Variants in SLFN11 observed in about 807,000 individuals in gnomAD.
The protein encoded by SLFN11 is schlafen family member 11.
In SLFN11, 43 loss-of-function variants were observed where a neutral mutation model predicts 53.4. The observed-to-expected ratio is 0.80, with a 90% CI of 0.63 to 1.04. The LOEUF (loss-of-function observed/expected upper bound fraction) is 1.04. Among genes scored for constraint, SLFN11 ranks in the 50% least tolerant of loss-of-function variants. The pLI, the probability that SLFN11 is intolerant of heterozygous loss-of-function variation, is 0.00. For missense variants in SLFN11, 990 were observed against 1,079.1 expected (o/e 0.92, Z 1.16); for synonymous variants, 389 against 394.7 (o/e 0.99, Z 0.17).
rs1907084361 is a variant in SLFN11 at position 35,353,746 on chromosome 17, G to A, written c.1512C>T (p.Tyr504=). Residue 504 remains tyrosine (Y), a synonymous_variant, in exon 6 of 7, where the codon TAC becomes TAT. Transcript: ENST00000685675. ...TGGCCCTGACACACACCTTCCCGGT[G>A]TAGCCCCCCATGTTCACTAGCTTCT... ...LKQKLVNMGG[Y]TGKVCVRAKV... The A allele has an allele frequency of 6.6e-7, 1 of 1,514,846 alleles. No individual in the cohort carries two copies. The highest frequency in any genetic ancestry group is 2.0e-5 in the Admixed American group (1 of 49,028). 93.8% of individuals were successfully genotyped at this position (1,514,846 alleles called of 1,614,324 possible).
At position 35,359,797 on chromosome 17, in the gene SLFN11, G is replaced by A. The variant is rs2141954122; in HGVS notation, c.1198+446C>T. Among the ~76,000 whole-genome samples the A allele has an allele frequency of 1.3e-5, 2 of 152,222 alleles. 1 individual carries two copies. The highest frequency in any genetic ancestry group is 4.1e-4 in the South Asian group (2 of 4,824). On this transcript the variant is annotated intron_variant, in intron 5 of 6. Transcript: ENST00000685675. ...CAGGCAGTTTTTTGGCTGCTCTCTG[G>A]TGCAGCATATGACTAGTTTGACTAG...
chr17:35,371,470 T>C (rs536639078), intron 1 of SLFN11, among the ~76,000 whole-genome samples: 1 of 151,884 alleles, frequency 6.6e-6, no homozygotes, highest in East Asian at 1.9e-4. Context: ...AATGGACAAA[T>C]GGGATCACAT....
Position 35,352,406 on chromosome 17 carries a change from C to T in SLFN11, c.2656G>A (p.Ala886Thr), listed in dbSNP as rs1906798389. Residue 886 changes from alanine (A) to threonine (T), a missense_variant, in exon 7 of 7, where the codon GCT (alanine) becomes ACT (threonine). Ala to Thr is a moderately conservative substitution (Grantham distance 58, BLOSUM62 0). Transcript: ENST00000685675. ...TACAGGTGTTGTTTTGCCCTGGAAG[C>T]CAGACAGATCAGAACATTGGGTAAG... Reference protein sequence around the residue: ...AILPNVLICLASRAKQHLYIF... With the variant: ...AILPNVLICLTSRAKQHLYIF... 1 of 1,614,080 alleles carries T rather than the reference C, an allele frequency of 6.2e-7. No individual in the cohort carries two copies. Among genetic ancestry groups the T allele is most frequent in the East Asian group, 2.2e-5 (1 of 44,896 alleles).
At position 35,362,826 on chromosome 17, in the gene SLFN11, C is replaced by A. The variant is rs1908403493; in HGVS notation, c.982G>T (p.Ala328Ser). 2.5e-6 allele frequency: 4 copies of A among 1,613,160 alleles called. No homozygotes were observed. The highest frequency in any genetic ancestry group is 1.7e-5 in the Admixed American group (1 of 59,846). ...NPFCCAVFSE[A>S]PNSWIVEDKY... ...TCCTCCACTATCCATGAATTGGGAG[C>A]TTCTGAGAACACTGCACAGCAGAAG... The change falls in exon 4 of 7, where the codon GCT (alanine) becomes TCT (serine). Residue 328 changes from alanine (A) to serine (S), a missense_variant. By Grantham distance (99) the Ala-to-Ser change is moderately conservative. This residue lies in a region of SLFN11 where 521 missense variants were observed against 516.2 expected (regional missense o/e 1.01). Transcript: ENST00000685675.
At chr17:35,367,457 C>T (rs183254901) in intron 2 of SLFN11, 146 bp downstream of exon 2, 3 of 152,050 alleles carry the variant, frequency 2.0e-5, no homozygotes, top group Non-Finnish European at 4.4e-5. Flanking sequence ...GAGATATTGT[C>T]CCATATAAAT....
At chr17:35,367,566 C>T (rs894492251) in intron 2 of SLFN11, 37 bp downstream of exon 2, 2 of 152,082 alleles carry the variant, frequency 1.3e-5, no homozygotes, top group African/African-American at 2.4e-5. Flanking sequence ...ACAAAAGCAC[C>T]TGATTCTAGT....
intron 3 of SLFN11, among the ~76,000 whole-genome samples, chr17:35,364,597 T>TA (rs1320471006): frequency 1.3e-5 from 2 of 152,154 alleles, no homozygotes; most frequent in African/African-American, 4.8e-5. Flanking sequence ...GCTAAGGTCT[T>TA]ACAGACCAGA....
intron 5 of SLFN11, among the ~76,000 whole-genome samples, chr17:35,358,425 A>G (rs1327504004): frequency 1.3e-5 from 2 of 151,364 alleles, no homozygotes; most frequent in Non-Finnish European, 2.9e-5. Flanking sequence ...ATCTAACTGT[A>G]TTGGCCAATT....
At chr17:35,361,476 G>A (rs1908210638) in intron 4 of SLFN11, among the ~76,000 whole-genome samples, 1 of 151,874 alleles carries the variant, frequency 6.6e-6, no homozygotes, top group African/African-American at 2.4e-5. Context: ...CTGTTCTTTT[G>A]TTTTTGAGAC....
rs575896600 is a variant in SLFN11, at chr17:35,373,565, C to A, written c.-326G>T. The A allele has an allele frequency of 1.3e-5, 2 of 151,996 alleles. No homozygotes were observed. Among genetic ancestry groups the A allele is most frequent in the African/African-American group, 4.8e-5 (2 of 41,362 alleles). 9.4% of individuals were successfully genotyped at this position (151,996 alleles called of 1,614,324 possible). ...CAACTCCGGAGTCCCAGGCTGGGGG[C>A]AAGGACCCTCTCTGACCTCTCAAGC... On this transcript the variant is annotated 5_prime_UTR_variant, in exon 1 of 7. Transcript: ENST00000685675.
chr17:35,370,143 G>A (rs1422790693), intron 1 of SLFN11, among the ~76,000 whole-genome samples: 1 of 152,060 alleles, frequency 6.6e-6, no homozygotes, highest in Non-Finnish European at 1.5e-5. Flanking sequence ...ATGACTAAGT[G>A]CTATTTATTT....
intron 4 of SLFN11, 106 bp from the exon 5 acceptor site, chr17:35,360,477 A>C (rs1041134061): frequency 9.4e-7 from 1 of 1,069,426 alleles, no homozygotes; most frequent in African/African-American, 1.7e-5. Flanking sequence ...TTGACTTGAG[A>C]GATAATATCA....
chr17:35,353,366 C>A lies in SLFN11; in HGVS notation c.1892G>T (p.Cys631Phe). 6.2e-7 allele frequency: 1 copy of A among 1,611,002 alleles called. No individual in the cohort carries two copies. The highest frequency in any genetic ancestry group is 1.7e-5 in the Admixed American group (1 of 59,410). ...HCEAHRILYV[C>F]ENQPLRNFIS... ...AAAGTTCCTCAGAGGCTGGTTTTCACAAACGTAGAGAATTCTGTGTGCCTC... is the reference window on the plus strand; with the variant it reads ...AAAGTTCCTCAGAGGCTGGTTTTCAAAAACGTAGAGAATTCTGTGTGCCTC... Residue 631 changes from cysteine to phenylalanine, a missense_variant, in exon 6 of 7, where the codon TGT becomes TTT. By Grantham distance (205) the Cys-to-Phe change is radical (BLOSUM62 -2). Coordinates refer to ENST00000685675, the MANE Select transcript of SLFN11 (RefSeq NM_001376007.1).
chr17:35,360,240 T>C lies in SLFN11; in HGVS notation c.1198+3A>G. 6.2e-7 allele frequency: 1 copy of C among 1,609,950 alleles called. No homozygotes were observed. Among genetic ancestry groups the C allele is most frequent in the Non-Finnish European group, 8.5e-7 (1 of 1,178,696 alleles). ...TGGTGTTGAGAAGACAAACCATAATTACCTGAAAATAAAAGTTGCTGGAGT... is the reference window on the plus strand; with the variant it reads ...TGGTGTTGAGAAGACAAACCATAATCACCTGAAAATAAAAGTTGCTGGAGT... On this transcript the variant is annotated splice_donor_region_variant and intron_variant, in intron 5 of 6. Transcript: ENST00000685675.
At chr17:35,367,129 C>A (rs548381467) in intron 2 of SLFN11, 66 bp from the exon 3 acceptor site, 2 of 151,378 alleles carry the variant, frequency 1.3e-5, no homozygotes, top group South Asian at 2.1e-4. Flanking sequence ...CTAGTTTAGA[C>A]CCTTGCCTAC....
intron 3 of SLFN11, among the ~76,000 whole-genome samples, chr17:35,364,762 C>CA (rs1908744099): frequency 6.6e-6 from 1 of 152,058 alleles, no homozygotes; most frequent in Admixed American, 6.5e-5. Context: ...GAATAATTCT[C>CA]AATAAGTATT....
chr17:35,350,438 ATTAT>A lies in SLFN11; in HGVS notation c.*1914_*1917del, dbSNP rs1906541223. Reference sequence around the variant, plus strand: ...TCTTTGTTCTAAACAAAAATTCATAATTATTTATACATTTTAAAATATTATATTG... The same window carrying A: ...TCTTTGTTCTAAACAAAAATTCATAATTATACATTTTAAAATATTATATTG... On this transcript the variant is annotated 3_prime_UTR_variant, in exon 7 of 7. Transcript: ENST00000685675. The A allele has an allele frequency of 6.6e-6, 1 of 152,164 alleles. No homozygotes were observed. The highest frequency in any genetic ancestry group is 2.4e-5 in the African/African-American group (1 of 41,444). The allele number at this position is 152,164 out of a possible 1,614,324, so 9.4% of individuals were successfully genotyped here.
chr17:35,357,329 T>C (rs939461625), intron 5 of SLFN11, among the ~76,000 whole-genome samples: 1 of 152,104 alleles, frequency 6.6e-6, no homozygotes, highest in Non-Finnish European at 1.5e-5. Context: ...GTTATTTGTA[T>C]GCAGTCATAT....
intron 3 of SLFN11, among the ~76,000 whole-genome samples, chr17:35,365,060 T>C (rs1454214781): frequency 1.3e-5 from 2 of 151,810 alleles, no homozygotes; most frequent in Non-Finnish European, 2.9e-5. Context: ...GAAGTTGGGA[T>C]GATTGAGACA....
Sources: gnomAD v4.1 joint callset for allele counts (sites outside exome capture counted in the v4.1 genomes callset) on GRCh38, gnomAD v4.1.1 for gene constraint, gnomAD v4.1.1 regional missense constraint, MANE v1.5 for transcripts, NCBI Gene and HGNC (gene_info 2026-07-23, HGNC 2026-07-21) for gene names.